The following UGT1A10 variants were observed in gnomAD, a reference collection of about 807,000 sequenced individuals.
The protein encoded by UGT1A10 is UDP-glucuronosyltransferase 1A10.
UGT1A10 carries 49 observed loss-of-function variants against 45.8 expected under a neutral mutation model. The observed-to-expected ratio is 1.07, with a 90% CI of 0.85 to 1.36. The LOEUF is 1.36. UGT1A10 is among the 40% of genes most tolerant of loss of function. The pLI is 0.00. For synonymous variants in UGT1A10, 284 were observed against 249.7 expected (o/e 1.14, Z -1.29); for missense variants, 745 against 668.6 (o/e 1.11, Z -1.26).
At chr2:233,755,155 T>A (rs921927491) in intron 1 of UGT1A10, 1 of 1,293,270 alleles carries the variant, frequency 7.7e-7, no homozygotes, top group Non-Finnish European at 1.0e-6. Flanking sequence ...GCTTCCTCCC[T>A]GTCCTCGGGG....
At chr2:233,641,335 G>C (rs2073446627) in intron 1 of UGT1A10, among the ~76,000 whole-genome samples, 1 of 152,104 alleles carries the variant, frequency 6.6e-6, no homozygotes, top group South Asian at 2.1e-4. Flanking sequence ...ATTTTAACCT[G>C]ATAACAACTT....
Position 233,769,813 on chromosome 2 carries a change from C to A in UGT1A10, c.1295+1374C>A. 2.1e-6 allele frequency: 2 copies of A among 945,300 alleles called. No individual in the cohort carries two copies. The highest frequency in any genetic ancestry group is 2.9e-6 in the Non-Finnish European group (2 of 681,442). 58.6% of individuals were successfully genotyped at this position (945,300 alleles called of 1,614,324 possible). On this transcript the variant is annotated intron_variant, in intron 4 of 4. Coordinates refer to ENST00000344644, the MANE Select transcript of UGT1A10 (RefSeq NM_019075.4). This position sits in a 1 kb window ranked among gnomAD's most constrained non-coding sequence, Gnocchi z 4.4. ...GAGGCTGCTATGAGCCGTGATCATG[C>A]CACTGCACTCCAGCAACCTGGGCAA...
chr2:233,729,990 T>G, intron 1 of UGT1A10: 1 of 1,614,036 alleles, frequency 6.2e-7, no homozygotes, highest in East Asian at 2.2e-5. Flanking sequence ...AGCCACTATC[T>G]CAGGTCTGTA....
At chr2:233,681,650 T>C (rs1489266974) in intron 1 of UGT1A10, among the ~76,000 whole-genome samples, 2 of 152,178 alleles carry the variant, frequency 1.3e-5, no homozygotes, top group East Asian at 1.9e-4. Flanking sequence ...CCAAAAGCAT[T>C]GCTTAATAAT....
At chr2:233,687,962 A>G (rs2074871395) in intron 1 of UGT1A10, among the ~76,000 whole-genome samples, 1 of 152,230 alleles carries the variant, frequency 6.6e-6, no homozygotes, top group Non-Finnish European at 1.5e-5. Context: ...ATTGATATGT[A>G]ATTCATGTAT....
chr2:233,680,696 T>C (rs950458533), intron 1 of UGT1A10, among the ~76,000 whole-genome samples: 2 of 152,096 alleles, frequency 1.3e-5, no homozygotes, highest in Admixed American at 1.3e-4. Context: ...TGAAAACAGG[T>C]AGAAGATGTA....
chr2:233,732,433 A>G (rs1308918063), intron 1 of UGT1A10, among the ~76,000 whole-genome samples: 1 of 152,164 alleles, frequency 6.6e-6, no homozygotes, highest in African/African-American at 2.4e-5. Flanking sequence ...TAGGATTTTT[A>G]TGGTTTTAGG....
intron 1 of UGT1A10, among the ~76,000 whole-genome samples, chr2:233,725,200 A>G (rs1336173793): frequency 5.4e-5 from 5 of 92,552 alleles, no homozygotes; most frequent in South Asian, 4.2e-4. Flanking sequence ...GCAGAGGCAG[A>G]GGCAGAGGCA....
chr2:233,727,904 A>G (rs1312363153), intron 1 of UGT1A10, among the ~76,000 whole-genome samples: 1 of 152,232 alleles, frequency 6.6e-6, no homozygotes, highest in Non-Finnish European at 1.5e-5. Flanking sequence ...CCAGGCAAGA[A>G]GACACAGGGG....
intron 1 of UGT1A10, chr2:233,747,332 A>C (rs1559392073): frequency 9.4e-6 from 15 of 1,603,410 alleles, no homozygotes; most frequent in Non-Finnish European, 1.3e-5. Context: ...GATGGCAGCC[A>C]CTGGCTCGCA....
chr2:233,682,569 T>A, intron 1 of UGT1A10: 1 of 1,613,968 alleles, frequency 6.2e-7, no homozygotes, highest in South Asian at 1.1e-5. Flanking sequence ...TGGAACCACA[T>A]CATGCACTTG....
intron 1 of UGT1A10, among the ~76,000 whole-genome samples, chr2:233,649,706 A>G (rs2125474641): frequency 6.6e-6 from 1 of 152,266 alleles, no homozygotes; most frequent in Admixed American, 6.5e-5. Context: ...TCTGCTAAAG[A>G]TTTGGCTAAC....
In UGT1A10 at chr2:233,664,564, T is replaced by C. The variant is rs1449371553; in HGVS notation, c.855+27187T>C. On this transcript the variant is annotated intron_variant, in intron 1 of 4. Transcript: ENST00000344644. ...AGCCTCAGGGAGTGTTTACTCATGGTAGAAGATGAAGCAGGAGCATGTCAC... is the reference window on the plus strand; with the variant it reads ...AGCCTCAGGGAGTGTTTACTCATGGCAGAAGATGAAGCAGGAGCATGTCAC... Among the ~76,000 whole-genome samples the C allele has an allele frequency of 2.0e-5, 3 of 152,170 alleles. No homozygotes were observed. In the East Asian group the frequency reaches 5.8e-4, roughly 29 times the overall value.
At chr2:233,661,643 CTTTCT>C (rs1185396445) in intron 1 of UGT1A10, among the ~76,000 whole-genome samples, 1 of 141,872 alleles carries the variant, frequency 7.0e-6, no homozygotes. Context: ...TTCTTTCTTT[CTTTCT>C]TTCTTTCTTT....
chr2:233,730,856 C>T (rs1409792373), intron 1 of UGT1A10, among the ~76,000 whole-genome samples: 1 of 152,142 alleles, frequency 6.6e-6, no homozygotes, highest in Non-Finnish European at 1.5e-5. Flanking sequence ...TCACCAAACC[C>T]ACCCTACTGC....
chr2:233,767,880 C>G lies in UGT1A10; in HGVS notation c.1019C>G (p.Ser340Trp), dbSNP rs144978321. Reference sequence around the variant, plus strand: ...TGGCGGTACACTGGAACCCGACCATCGAATCTTGCGAACAACACGATACTT... The same window carrying G: ...TGGCGGTACACTGGAACCCGACCATGGAATCTTGCGAACAACACGATACTT... Reference protein sequence around the residue: ...VLWRYTGTRPSNLANNTILVK... With the variant: ...VLWRYTGTRPWNLANNTILVK... Residue 340 changes from serine to tryptophan, a missense_variant, in exon 3 of 5, where the codon TCG becomes TGG. By Grantham distance (177) the Ser-to-Trp change is radical. Transcript: ENST00000344644. 6.2e-7 allele frequency: 1 copy of G among 1,614,168 alleles called. No individual in the cohort carries two copies. The highest frequency in any genetic ancestry group is 1.7e-5 in the Admixed American group (1 of 60,018).
chr2:233,655,778 G>T (rs2125481934), intron 1 of UGT1A10, among the ~76,000 whole-genome samples: 1 of 152,288 alleles, frequency 6.6e-6, no homozygotes, highest in South Asian at 2.1e-4. Context: ...CAAGAGCAAT[G>T]CTAAGTGGGG....
At chr2:233,717,135 C>T (rs1269027331) in intron 1 of UGT1A10, among the ~76,000 whole-genome samples, 2 of 152,326 alleles carry the variant, frequency 1.3e-5, no homozygotes, top group Middle Eastern at 3.4e-3. Flanking sequence ...TAGAACACCA[C>T]TACATGGAAA....
chr2:233,675,347 T>C (rs1418987234), intron 1 of UGT1A10, among the ~76,000 whole-genome samples: 1 of 152,208 alleles, frequency 6.6e-6, no homozygotes, highest in African/African-American at 2.4e-5. Flanking sequence ...CAGCAGAACA[T>C]TGAAATAGTT....
Sources: allele counts gnomAD v4.1 joint callset (sites outside exome capture counted in the v4.1 genomes callset), GRCh38; gene constraint gnomAD v4.1.1; non-coding constraint Gnocchi (gnomAD v3.1); transcripts MANE v1.5; gene names NCBI Gene and HGNC (gene_info 2026-07-23, HGNC 2026-07-21).